FAF1: variants seen among roughly 807,000 people sequenced by gnomAD.
FAF1 encodes the protein FAS-associated factor 1.
In FAF1, 25 loss-of-function variants were observed where a neutral mutation model predicts 92.5. That is an observed-to-expected ratio of 0.27 (90% CI 0.20 to 0.38). The LOEUF (loss-of-function observed/expected upper bound fraction) is 0.38, where lower values mean the gene tolerates loss of function less well. FAF1 is among the 10% of genes least tolerant of loss of function. FAF1 has a pLI of 1.00. For synonymous variants in FAF1, 234 were observed against 273.2 expected (o/e 0.86, Z 1.42); for missense variants, 636 against 793.3 (o/e 0.80, Z 2.38).
At chr1:50,661,784 A>C (rs142235669) in intron 7 of FAF1, among the ~76,000 whole-genome samples, 485 of 152,334 alleles carry the variant, frequency 3.2e-3, no homozygotes, top group African/African-American at 0.012. Context: ...CTTATAGTTA[A>C]GAAAGCAGTC....
At chr1:50,496,044 C>CA (rs1646894318) in intron 15 of FAF1, among the ~76,000 whole-genome samples, 4 of 149,484 alleles carry the variant, frequency 2.7e-5, no homozygotes, top group Non-Finnish European at 4.5e-5. Flanking sequence ...AAGAATTTAA[C>CA]CAAAAAAAAA....
At chr1:50,885,153 T>C (rs745714937) in intron 1 of FAF1, among the ~76,000 whole-genome samples, 4 of 152,192 alleles carry the variant, frequency 2.6e-5, no homozygotes, top group Non-Finnish European at 5.9e-5. Context: ...ATTTGGGTCT[T>C]CTGTCTTTTC....
chr1:50,544,382 A>G (rs1648902892), intron 13 of FAF1, among the ~76,000 whole-genome samples: 1 of 152,186 alleles, frequency 6.6e-6, no homozygotes. Flanking sequence ...AGAGAAGGTG[A>G]TTCAATAGAT....
At chr1:50,606,640 T>C (rs1476188665) in intron 8 of FAF1, among the ~76,000 whole-genome samples, 2 of 151,796 alleles carry the variant, frequency 1.3e-5, no homozygotes, top group African/African-American at 2.4e-5. Flanking sequence ...GCTGGGATTA[T>C]AGGGATGCGC....
chr1:50,563,042 A>G (rs1027186908), intron 13 of FAF1, among the ~76,000 whole-genome samples: 1 of 152,222 alleles, frequency 6.6e-6, no homozygotes, highest in Admixed American at 6.5e-5. Context: ...GAGACGACTC[A>G]AAGTAGATGG....
At chr1:50,725,865 G>C (rs1383663595) in intron 6 of FAF1, among the ~76,000 whole-genome samples, 1 of 152,168 alleles carries the variant, frequency 6.6e-6, no homozygotes, top group Non-Finnish European at 1.5e-5. Flanking sequence ...CAAAGCCATA[G>C]TTAAATGCAA....
At chr1:50,838,417 C>T (rs1335666963) in intron 2 of FAF1, among the ~76,000 whole-genome samples, 1 of 149,642 alleles carries the variant, frequency 6.7e-6, no homozygotes, top group East Asian at 1.9e-4. Flanking sequence ...TTTAATTTTA[C>T]ATGTTAATGT....
intron 7 of FAF1, among the ~76,000 whole-genome samples, chr1:50,680,636 T>C (rs1188607164): frequency 2.6e-5 from 4 of 151,988 alleles, no homozygotes; most frequent in Non-Finnish European, 4.4e-5. Flanking sequence ...TGAGCTGAGA[T>C]TGTGCCATTG....
At chr1:50,594,371 T>C (rs1331993770) in intron 9 of FAF1, among the ~76,000 whole-genome samples, 1 of 152,054 alleles carries the variant, frequency 6.6e-6, no homozygotes, top group Non-Finnish European at 1.5e-5. Context: ...TATTTAGTTA[T>C]GACCTCCATT....
intron 2 of FAF1, among the ~76,000 whole-genome samples, chr1:50,811,303 C>T (rs1285747995): frequency 6.6e-6 from 1 of 152,162 alleles, no homozygotes; most frequent in African/African-American, 2.4e-5. Context: ...CGAATTACTG[C>T]ACTCCAGCTT....
At chr1:50,858,654 A>C (rs866035404) in intron 1 of FAF1, among the ~76,000 whole-genome samples, 18 of 151,936 alleles carry the variant, frequency 1.2e-4, no homozygotes, top group African/African-American at 4.3e-4. Context: ...CTTAAATAAA[A>C]CATGTTAAAA....
intron 1 of FAF1, among the ~76,000 whole-genome samples, chr1:50,869,958 C>CAGAA (rs1380977251): frequency 2.6e-5 from 4 of 152,164 alleles, no homozygotes; most frequent in African/African-American, 4.8e-5. Context: ...AGTTCATCTT[C>CAGAA]AGAAAGATTT....
At chr1:50,548,782 T>G (rs1649154230) in intron 13 of FAF1, among the ~76,000 whole-genome samples, 1 of 152,260 alleles carries the variant, frequency 6.6e-6, no homozygotes, top group Non-Finnish European at 1.5e-5. Flanking sequence ...TATTAATATA[T>G]TAGAGAAATT....
intron 9 of FAF1, among the ~76,000 whole-genome samples, chr1:50,589,354 G>C (rs1406692244): frequency 1.3e-5 from 2 of 152,076 alleles, no homozygotes; most frequent in Non-Finnish European, 2.9e-5. Context: ...GTCTGCTGAG[G>C]AGGGATTCTA....
At chr1:50,774,627 C>T (rs1660889927) in intron 4 of FAF1, among the ~76,000 whole-genome samples, 1 of 152,054 alleles carries the variant, frequency 6.6e-6, no homozygotes, top group Non-Finnish European at 1.5e-5. Flanking sequence ...TCTGCTATAT[C>T]TCAAAAACAA....
At chr1:50,745,081 A>G (rs1281482194) in intron 4 of FAF1, among the ~76,000 whole-genome samples, 3 of 152,194 alleles carry the variant, frequency 2.0e-5, no homozygotes, top group Non-Finnish European at 4.4e-5. Flanking sequence ...TGAGACCAGG[A>G]GTTCAAGACT....
chr1:50,903,461 T>C (rs1365338248), intron 1 of FAF1, among the ~76,000 whole-genome samples: 2 of 152,150 alleles, frequency 1.3e-5, no homozygotes, highest in African/African-American at 4.8e-5. Flanking sequence ...CTATATCTAG[T>C]GTAGTTAATG....
At chr1:50,673,730 G>T (rs921780324) in intron 7 of FAF1, among the ~76,000 whole-genome samples, 1 of 152,090 alleles carries the variant, frequency 6.6e-6, no homozygotes. Flanking sequence ...AAAATGCAAA[G>T]GCTCTGTTAG....
chr1:50,824,452 A>G (rs1045437087), intron 2 of FAF1, among the ~76,000 whole-genome samples: 32 of 152,262 alleles, frequency 2.1e-4, no homozygotes, highest in African/African-American at 7.2e-4. Context: ...TCTTTGCATC[A>G]ACCATAGCAC....
Sources: gnomAD v4.1 joint callset for allele counts (sites outside exome capture counted in the v4.1 genomes callset) on GRCh38, gnomAD v4.1.1 for gene constraint, MANE v1.5 for transcripts, NCBI Gene and HGNC (gene_info 2026-07-23, HGNC 2026-07-21) for gene names.